The following STAT3 variants were observed in gnomAD, a reference collection of about 807,000 sequenced individuals.
STAT3 encodes the protein signal transducer and activator of transcription 3.
In STAT3, 7 loss-of-function variants were observed where a neutral mutation model predicts 114.3. That is an observed-to-expected ratio of 0.06 (90% CI 0.03 to 0.11). STAT3 has a LOEUF of 0.11. Among genes scored for constraint, STAT3 ranks in the 10% least tolerant of loss-of-function variants. The pLI, the probability that STAT3 is intolerant of heterozygous loss-of-function variation, is 1.00. For missense variants in STAT3, 364 were observed against 960.9 expected, an observed-to-expected ratio of 0.38 and a Z score of 8.21; for synonymous variants, 331 against 354.5, an observed-to-expected ratio of 0.93 and a Z score of 0.74.
At chr17:42,372,303 T>C (rs2084193242) in intron 1 of STAT3, among the ~76,000 whole-genome samples, 1 of 152,218 alleles carries the variant, frequency 6.6e-6, no homozygotes, top group Non-Finnish European at 1.5e-5. Flanking sequence ...GCAACCAAGA[T>C]GTCTATCCTT....
chr17:42,388,130 C>T (rs2085215319), intron 1 of STAT3, 149 bp downstream of exon 1: 1 of 973,814 alleles, frequency 1.0e-6, no homozygotes. Flanking sequence ...AAGAGTCTTC[C>T]CTCAGGGCGA....
intron 1 of STAT3, among the ~76,000 whole-genome samples, chr17:42,359,307 G>T (rs2083393229): frequency 6.6e-6 from 1 of 152,096 alleles, no homozygotes; most frequent in Non-Finnish European, 1.5e-5. Flanking sequence ...TTCACTAGGG[G>T]TTAAGTGTGA....
intron 1 of STAT3, among the ~76,000 whole-genome samples, chr17:42,363,718 C>T (rs1446707834): frequency 1.3e-5 from 2 of 151,710 alleles, no homozygotes; most frequent in African/African-American, 4.8e-5. Flanking sequence ...TCCCAAAGTG[C>T]TGCGATTATA....
intron 1 of STAT3, among the ~76,000 whole-genome samples, chr17:42,365,787 C>CT (rs556399649): frequency 8.6e-4 from 131 of 151,914 alleles, no homozygotes; most frequent in Admixed American, 4.1e-3. Context: ...TCCCAAGTAG[C>CT]TGGGACTACA....
chr17:42,373,842 G>A (rs1015449116), intron 1 of STAT3, among the ~76,000 whole-genome samples: 6 of 145,172 alleles, frequency 4.1e-5, no homozygotes, highest in South Asian at 2.2e-4. Flanking sequence ...CCGAGATCGC[G>A]CCACTACACT....
chr17:42,328,042 A>AAAAG (rs2081813331), intron 14 of STAT3, among the ~76,000 whole-genome samples: 1 of 148,788 alleles, frequency 6.7e-6, no homozygotes, highest in African/African-American at 2.5e-5. Context: ...GACTCAAAAA[A>AAAAG]AAAAAAGAAA....
At chr17:42,341,122 T>C (rs1380477151) in intron 4 of STAT3, among the ~76,000 whole-genome samples, 3 of 152,200 alleles carry the variant, frequency 2.0e-5, no homozygotes, top group African/African-American at 7.2e-5. Flanking sequence ...CCTTCATTCC[T>C]TTCTCATGTC....
chr17:42,326,316 T>C lies in STAT3; in HGVS notation c.1282-117A>G, dbSNP rs758780282. ...TGAGCCCAGGAGTTCGAGACCAGTC[T>C]AAGCAGCACAGCAAAACTCCATCTC... On this transcript the variant is annotated intron_variant, in intron 14 of 23. Coordinates refer to ENST00000264657, the MANE Select transcript of STAT3 (RefSeq NM_139276.3). 425 of 852,322 alleles carry C rather than the reference T, an allele frequency of 5.0e-4. 1 individual carries two copies. Among genetic ancestry groups the C allele is most frequent in the Non-Finnish European group, 7.7e-4 (398 of 517,512 alleles). The allele number at this position is 852,322 out of a possible 1,614,324, so 52.8% of individuals were successfully genotyped here.
At chr17:42,339,555 T>C (rs2082357359) in intron 4 of STAT3, 146 bp from the exon 5 acceptor site, 1 of 776,822 alleles carries the variant, frequency 1.3e-6, no homozygotes, top group East Asian at 2.7e-5. Flanking sequence ...ACAGAGGCAG[T>C]GGTGCTGTCA....
chr17:42,367,099 G>A (rs544452322), intron 1 of STAT3, among the ~76,000 whole-genome samples: 16 of 151,140 alleles, frequency 1.1e-4, no homozygotes, highest in African/African-American at 3.4e-4. Context: ...CTGAGATCGC[G>A]CCACTGCACT....
rs2081620222 is a variant in STAT3 at position 42,324,547 on chromosome 17, ACCCCAACT to A, written c.1600+156_1600+163del. Among the ~76,000 whole-genome samples, 1 of 152,012 alleles carries A rather than the reference ACCCCAACT, an allele frequency of 6.6e-6. No homozygotes were observed. The highest frequency in any genetic ancestry group is 1.9e-4 in the East Asian group (1 of 5,182). On this transcript the variant is annotated intron_variant, in intron 17 of 23. Transcript: ENST00000264657. This position sits in a 1 kb window ranked among gnomAD's most constrained non-coding sequence, Gnocchi z 4.5. ...ACTGAAAACTGCAAACTGTCTCTGC[ACCCCAACT>A]CCCCAACTCCCCTGTTTCCTGGCAC... is the stretch of plus-strand genomic sequence containing the variant.
chr17:42,359,079 G>C (rs2083380310), intron 1 of STAT3, among the ~76,000 whole-genome samples: 1 of 151,732 alleles, frequency 6.6e-6, no homozygotes, highest in Admixed American at 6.6e-5. Context: ...GGGACTCCAG[G>C]CGCCCGCCAC....
chr17:42,340,249 G>A (rs535275046), intron 4 of STAT3, among the ~76,000 whole-genome samples: 85 of 151,694 alleles, frequency 5.6e-4, no homozygotes, highest in African/African-American at 2.0e-3. Flanking sequence ...CCAGCTACTC[G>A]GGAGGCTGAG....
chr17:42,382,218 A>C (rs2084837488), intron 1 of STAT3, among the ~76,000 whole-genome samples: 2 of 152,218 alleles, frequency 1.3e-5, no homozygotes, highest in South Asian at 4.1e-4. Context: ...TCCTGAAAAG[A>C]ATTAATCTCT....
intron 20 of STAT3, 98 bp from the exon 21 acceptor site, chr17:42,322,592 T>A: frequency 1.5e-6 from 2 of 1,325,284 alleles, no homozygotes; most frequent in Non-Finnish European, 2.2e-6. Flanking sequence ...GGAAAAGACT[T>A]AAGCCACCCT....
chr17:42,347,985 C>T (rs991365354), intron 2 of STAT3, among the ~76,000 whole-genome samples: 14 of 152,192 alleles, frequency 9.2e-5, no homozygotes, highest in Non-Finnish European at 1.0e-4. Flanking sequence ...GACTAATACA[C>T]CCCTGTGGCT....
Position 42,313,532 on chromosome 17 carries a change from T to TGGGCTG in STAT3, c.*2207_*2212dup, listed in dbSNP as rs1035284022. The TGGGCTG allele has an allele frequency of 2.6e-5, 6 of 231,080 alleles. No homozygotes were observed. The highest frequency in any genetic ancestry group is 1.3e-4 in the African/African-American group (6 of 45,106). 14.3% of individuals were successfully genotyped at this position (231,080 alleles called of 1,614,324 possible). ...AAGCAACCCACGGGATTCCCTCGGC[T>TGGGCTG]GGGCTGGGGATGGGGAGGGGGCAGT... On this transcript the variant is annotated 3_prime_UTR_variant, in exon 24 of 24. Coordinates refer to ENST00000264657, the MANE Select transcript of STAT3 (RefSeq NM_139276.3).
At chr17:42,326,039 G>A in intron 15 of STAT3, 77 bp downstream of exon 15, 3 of 1,287,902 alleles carry the variant, frequency 2.3e-6, no homozygotes, top group Non-Finnish European at 3.4e-6. Flanking sequence ...ACCTTCTCTT[G>A]TAAAAATCCC....
intron 2 of STAT3, 77 bp from the exon 3 acceptor site, chr17:42,346,790 A>C: frequency 6.2e-7 from 1 of 1,608,074 alleles, no homozygotes; most frequent in Non-Finnish European, 8.5e-7. Context: ...CCATCAAGAA[A>C]GAGGAAAAAA....
Sources: allele counts gnomAD v4.1 joint callset (sites outside exome capture counted in the v4.1 genomes callset), GRCh38; gene constraint gnomAD v4.1.1; non-coding constraint Gnocchi (gnomAD v3.1); transcripts MANE v1.5; gene names NCBI Gene and HGNC (gene_info 2026-07-23, HGNC 2026-07-21).